PDZRN4: variants seen among roughly 807,000 people sequenced by gnomAD.
PDZRN4 encodes the protein PDZ domain-containing RING finger protein 4.
A neutral mutation model predicts 99.0 loss-of-function variants in PDZRN4; 70 were observed. The observed-to-expected ratio is 0.71, with a 90% CI of 0.58 to 0.86. The LOEUF (loss-of-function observed/expected upper bound fraction) is 0.86, where lower values mean the gene tolerates loss of function less well. Among genes scored for constraint, PDZRN4 ranks in the 40% least tolerant of loss-of-function variants. The probability of loss-of-function intolerance (pLI) is 0.00; values close to 1 mark genes in which losing one functional copy is unlikely to be tolerated. For missense variants in PDZRN4, 1,474 were observed against 1,331.2 expected (o/e 1.11, Z -1.67); for synonymous variants, 551 against 501.6 (o/e 1.10, Z -1.32).
At chr12:41,475,926 G>A (rs1953039148) in intron 3 of PDZRN4, among the ~76,000 whole-genome samples, 2 of 152,210 alleles carry the variant, frequency 1.3e-5, no homozygotes, top group South Asian at 4.2e-4. Context: ...GGTATTTTAA[G>A]CTATAGTTCC....
chr12:41,505,634 G>A (rs762016942), intron 3 of PDZRN4, among the ~76,000 whole-genome samples: 6 of 151,924 alleles, frequency 3.9e-5, no homozygotes, highest in Non-Finnish European at 1.5e-5. Context: ...AATGCCAATG[G>A]TTTCTGCCCC....
At chr12:41,440,054 T>C (rs757541181) in intron 3 of PDZRN4, among the ~76,000 whole-genome samples, 1 of 152,194 alleles carries the variant, frequency 6.6e-6, no homozygotes. Flanking sequence ...AAAGTGAACA[T>C]GTTCTTAACC....
intron 3 of PDZRN4, among the ~76,000 whole-genome samples, chr12:41,261,125 T>C (rs1951236543): frequency 6.6e-6 from 1 of 152,182 alleles, no homozygotes; most frequent in Admixed American, 6.5e-5. Flanking sequence ...GTCCTCTTGG[T>C]TTATTAGGGA....
chr12:41,485,886 C>T lies in PDZRN4; in HGVS notation c.844-20570C>T, dbSNP rs529535069. 2.0e-5 allele frequency among the ~76,000 whole-genome samples: 3 copies of T among 152,076 alleles called. No individual in the cohort carries two copies. In the East Asian group the frequency reaches 5.8e-4, roughly 29 times the overall value. ...AAAAAACAATTTAACCAGAAATACA[C>T]CTAAAGGTATGCTGTTAAATTAGTT... On this transcript the variant is annotated intron_variant, in intron 3 of 9. Transcript: ENST00000402685.
chr12:41,475,844 C>T (rs2730813), intron 3 of PDZRN4, among the ~76,000 whole-genome samples: 2,593 of 152,162 alleles, frequency 0.017, 93 homozygotes, highest in African/African-American at 0.057. Flanking sequence ...CTTTGCTGTC[C>T]TCCCCTTTGT....
At chr12:41,197,120 T>G (rs1339595184) in intron 3 of PDZRN4, among the ~76,000 whole-genome samples, 1 of 152,126 alleles carries the variant, frequency 6.6e-6, no homozygotes, top group African/African-American at 2.4e-5. Context: ...AAAAATATTT[T>G]CTGTAGCTAA....
intron 5 of PDZRN4, among the ~76,000 whole-genome samples, chr12:41,525,885 T>C (rs1287597209): frequency 2.6e-5 from 4 of 152,178 alleles, no homozygotes. Context: ...ATATTTGACT[T>C]TCATATTCTC....
intron 3 of PDZRN4, among the ~76,000 whole-genome samples, chr12:41,224,193 G>A (rs1950977603): frequency 6.6e-6 from 1 of 152,174 alleles, no homozygotes; most frequent in Non-Finnish European, 1.5e-5. Flanking sequence ...CTCACTACTT[G>A]CCAGTCTGTG....
chr12:41,514,882 G>A (rs999054303), intron 5 of PDZRN4, among the ~76,000 whole-genome samples: 4 of 152,010 alleles, frequency 2.6e-5, no homozygotes, highest in Non-Finnish European at 4.4e-5. Context: ...GAAAAATAGG[G>A]AGACATAAGT....
At position 41,573,257 on chromosome 12, in the gene PDZRN4, C is replaced by G; in HGVS notation, c.2478C>G (p.His826Gln). The change falls in exon 10 of 10, where the codon CAC (histidine) becomes CAG (glutamine). Residue 826 changes from histidine (H) to glutamine (Q), a missense_variant. His to Gln is a conservative substitution (Grantham distance 24, BLOSUM62 0). Transcript: ENST00000402685. The stretch of plus-strand genomic sequence containing the variant: ...ATCAAGAGAAGGCAGTCAGCGAACA[C>G]ATCCCTTACCTCTCTCCTTACCACA... ...LPDQEKAVSE[H>Q]IPYLSPYHSS... 1 of 1,613,990 alleles carries G rather than the reference C, an allele frequency of 6.2e-7. No homozygotes were observed. The highest frequency in any genetic ancestry group is 2.2e-5 in the East Asian group (1 of 44,866).
chr12:41,488,326 A>G (rs1414439479), intron 3 of PDZRN4, among the ~76,000 whole-genome samples: 4 of 152,196 alleles, frequency 2.6e-5, no homozygotes, highest in Non-Finnish European at 5.9e-5. Flanking sequence ...TGTGCATTAG[A>G]GTCAAATGTT....
At chr12:41,224,514 G>T (rs1247758934) in intron 3 of PDZRN4, among the ~76,000 whole-genome samples, 1 of 152,238 alleles carries the variant, frequency 6.6e-6, no homozygotes, top group African/African-American at 2.4e-5. Flanking sequence ...AATGGCTTTC[G>T]TGAGGAAGAG....
intron 4 of PDZRN4, among the ~76,000 whole-genome samples, chr12:41,508,581 T>G (rs1938248636): frequency 6.6e-6 from 1 of 152,124 alleles, no homozygotes; most frequent in Non-Finnish European, 1.5e-5. Context: ...ACACATCAGA[T>G]GTCCAAAGCA....
At chr12:41,418,694 A>G (rs1395767782) in intron 3 of PDZRN4, among the ~76,000 whole-genome samples, 1 of 152,096 alleles carries the variant, frequency 6.6e-6, no homozygotes, top group African/African-American at 2.4e-5. Flanking sequence ...AAACAAAGCA[A>G]TTTTCCTGCA....
intron 3 of PDZRN4, among the ~76,000 whole-genome samples, chr12:41,408,428 G>C (rs769904273): frequency 2.4e-4 from 37 of 152,142 alleles, no homozygotes; most frequent in Admixed American, 1.9e-3. Context: ...AGTTTCCAGA[G>C]TCCAAGTTTT....
At chr12:41,496,314 G>A (rs1011570616) in intron 3 of PDZRN4, among the ~76,000 whole-genome samples, 4 of 152,130 alleles carry the variant, frequency 2.6e-5, no homozygotes, top group Non-Finnish European at 4.4e-5. Flanking sequence ...GAAGGAAGGA[G>A]GGAGGGAAGG....
chr12:41,316,380 C>T (rs891411558), intron 3 of PDZRN4, among the ~76,000 whole-genome samples: 1 of 151,504 alleles, frequency 6.6e-6, no homozygotes, highest in Admixed American at 6.6e-5. Context: ...TTAGTATTCA[C>T]CATAAGCAAA....
intron 3 of PDZRN4, among the ~76,000 whole-genome samples, chr12:41,278,095 A>T (rs1252817126): frequency 2.0e-5 from 3 of 152,204 alleles, no homozygotes; most frequent in Non-Finnish European, 2.9e-5. Flanking sequence ...GGACACTAAG[A>T]TGATCCTTTT....
intron 3 of PDZRN4, among the ~76,000 whole-genome samples, chr12:41,338,942 A>G (rs7956320): frequency 0.49 from 74,774 of 151,816 alleles, 18,825 homozygotes; most frequent in Middle Eastern, 0.65. Context: ...AAAAAATGGA[A>G]AGACATTCTA....
Sources: allele counts gnomAD v4.1 joint callset (sites outside exome capture counted in the v4.1 genomes callset), GRCh38; gene constraint gnomAD v4.1.1; transcripts MANE v1.5; gene names NCBI Gene and HGNC (gene_info 2026-07-23, HGNC 2026-07-21).